The following PRKCB variants were observed in gnomAD, a reference collection of about 807,000 sequenced individuals.
The protein encoded by PRKCB is protein kinase C beta, also known as protein kinase C beta type.
In PRKCB, 13 loss-of-function variants were observed where a neutral mutation model predicts 81.5. The observed-to-expected ratio is 0.16, with a 90% CI of 0.10 to 0.25. The LOEUF (loss-of-function observed/expected upper bound fraction) is 0.25. Ranked by LOEUF, PRKCB falls within the 10% of genes least tolerant of loss-of-function variation. PRKCB has a pLI of 1.00. For missense variants in PRKCB, 509 were observed against 875.7 expected, an observed-to-expected ratio of 0.58 and a Z score of 5.29; for synonymous variants, 335 against 321.4, an observed-to-expected ratio of 1.04 and a Z score of -0.45.
At chr16:23,865,531 G>A (rs1962772502) in intron 2 of PRKCB, among the ~76,000 whole-genome samples, 7 of 2,344 alleles carry the variant, frequency 3.0e-3, no homozygotes, top group Non-Finnish European at 4.5e-3. Context: ...GTGTGTGTGT[G>A]TGTGTGTGTG....
chr16:23,975,757 T>G lies in PRKCB; in HGVS notation c.206-12751T>G, dbSNP rs529495319. 2.0e-5 allele frequency among the ~76,000 whole-genome samples: 3 copies of G among 152,234 alleles called. No individual in the cohort carries two copies. In the South Asian group the frequency reaches 6.2e-4, roughly 32 times the overall value. On this transcript the variant is annotated intron_variant, in intron 2 of 16. Transcript: ENST00000643927. ...CTCCTAAATAATAATAATAAAGGCT[T>G]ACTTATAGGAACGTACGAAGCACAA...
intron 7 of PRKCB, among the ~76,000 whole-genome samples, chr16:24,106,272 G>A (rs935177184): frequency 2.6e-5 from 4 of 152,212 alleles, no homozygotes; most frequent in African/African-American, 9.6e-5. Flanking sequence ...TCACAGGATT[G>A]TTGCAGTATC....
At chr16:24,155,328 C>T (rs528700224) in intron 10 of PRKCB, among the ~76,000 whole-genome samples, 8 of 152,312 alleles carry the variant, frequency 5.3e-5, no homozygotes, top group African/African-American at 1.7e-4. Flanking sequence ...ACACAGTGTC[C>T]TGGGAAGGAG....
intron 2 of PRKCB, among the ~76,000 whole-genome samples, chr16:23,859,735 A>T (rs1268669787): frequency 1.3e-5 from 2 of 152,062 alleles, no homozygotes; most frequent in African/African-American, 4.8e-5. Context: ...GTACCCGGGG[A>T]TGTTTAGCTT....
intron 2 of PRKCB, among the ~76,000 whole-genome samples, chr16:23,938,746 A>C (rs1207816215): frequency 6.6e-6 from 1 of 152,228 alleles, no homozygotes; most frequent in African/African-American, 2.4e-5. Flanking sequence ...CAATGAAGTA[A>C]AACTAGAAGT....
At chr16:23,889,363 G>A (rs866694957) in intron 2 of PRKCB, among the ~76,000 whole-genome samples, 2 of 152,162 alleles carry the variant, frequency 1.3e-5, no homozygotes, top group Non-Finnish European at 2.9e-5. Flanking sequence ...CCTACCTTAC[G>A]GCATTATAAA....
At chr16:23,978,426 G>A (rs1310807320) in intron 2 of PRKCB, among the ~76,000 whole-genome samples, 1 of 152,216 alleles carries the variant, frequency 6.6e-6, no homozygotes, top group Non-Finnish European at 1.5e-5. Flanking sequence ...CAGGGATGCT[G>A]AGCTGAAGTG....
In PRKCB at chr16:24,214,747, T is replaced by C; in HGVS notation, c.1953T>C (p.Ile651=). 1 of 1,614,206 alleles carries C rather than the reference T, an allele frequency of 6.2e-7. No homozygotes were observed. Among genetic ancestry groups the C allele is most frequent in the Non-Finnish European group, 8.5e-7 (1 of 1,180,026 alleles). ...TPPDQEVIRN[I]DQSEFEGFSF... ...CCGACCAGGAAGTCATCAGGAATAT[T>C]GACCAATCAGAATTCGAAGGATTTT... is the stretch of plus-strand genomic sequence containing the variant. Residue 651 remains isoleucine, a synonymous_variant, in exon 17 of 17, where the codon ATT becomes ATC. Transcript: ENST00000643927.
At chr16:23,933,540 A>G (rs1964007646) in intron 2 of PRKCB, among the ~76,000 whole-genome samples, 1 of 152,156 alleles carries the variant, frequency 6.6e-6, no homozygotes, top group South Asian at 2.1e-4. Flanking sequence ...AATATTTTAA[A>G]TCAGAAAATT....
chr16:23,836,768 C>CGGGGGG (rs71154241), intron 1 of PRKCB, among the ~76,000 whole-genome samples: 60 of 141,976 alleles, frequency 4.2e-4, no homozygotes, highest in East Asian at 1.4e-3. Flanking sequence ...CCCTTGTTTC[C>CGGGGGG]GGGGGGGGCG....
intron 2 of PRKCB, among the ~76,000 whole-genome samples, chr16:23,957,828 G>A (rs1964370080): frequency 6.6e-6 from 1 of 152,054 alleles, no homozygotes; most frequent in Non-Finnish European, 1.5e-5. Context: ...ATTGCAAATC[G>A]TTAAGGGTAT....
intron 3 of PRKCB, among the ~76,000 whole-genome samples, chr16:24,015,650 C>G (rs1197902976): frequency 6.6e-6 from 1 of 152,222 alleles, no homozygotes; most frequent in Non-Finnish European, 1.5e-5. Context: ...ACTTCATTTT[C>G]TCAGGGAAGC....
chr16:24,029,730 T>TA (rs1254286543), intron 3 of PRKCB, among the ~76,000 whole-genome samples: 1 of 152,180 alleles, frequency 6.6e-6, no homozygotes, highest in Non-Finnish European at 1.5e-5. Flanking sequence ...TCATTTTCTG[T>TA]CACTAGAGTA....
Position 24,113,167 on chromosome 16 carries a change from C to CT in PRKCB, c.918+104dup. The CT allele has an allele frequency of 6.1e-6, 5 of 818,296 alleles. No individual in the cohort carries two copies. The South Asian group carries it at 9.8e-5, about 16-fold the overall frequency. 50.7% of individuals were successfully genotyped at this position (818,296 alleles called of 1,614,324 possible). Reference sequence around the variant, plus strand: ...TCTTTCTTTCTCTTTCTCTCTTATTCTTTTTTCTCTCCTTCCTTACTTCCT... The same window carrying CT: ...TCTTTCTTTCTCTTTCTCTCTTATTCTTTTTTTCTCTCCTTCCTTACTTCCT... On this transcript the variant is annotated intron_variant, in intron 8 of 16. Transcript: ENST00000643927.
intron 2 of PRKCB, among the ~76,000 whole-genome samples, chr16:23,842,252 T>C (rs1178199496): frequency 1.3e-5 from 2 of 152,194 alleles, no homozygotes; most frequent in East Asian, 1.9e-4. Context: ...GCAGCAACTT[T>C]GGTCTCCTCA....
chr16:23,904,605 G>A (rs1963528398), intron 2 of PRKCB, among the ~76,000 whole-genome samples: 1 of 152,196 alleles, frequency 6.6e-6, no homozygotes, highest in Non-Finnish European at 1.5e-5. Flanking sequence ...GAAGGTTGCA[G>A]TGAGCTGAGA....
At chr16:23,981,285 C>A (rs184159536) in intron 2 of PRKCB, among the ~76,000 whole-genome samples, 1 of 151,994 alleles carries the variant, frequency 6.6e-6, no homozygotes, top group African/African-American at 2.4e-5. Flanking sequence ...CAATTCCAAC[C>A]TCTGCTTCCA....
chr16:24,145,889 A>T (rs191269789), intron 9 of PRKCB, among the ~76,000 whole-genome samples: 9 of 152,340 alleles, frequency 5.9e-5, no homozygotes, highest in African/African-American at 2.2e-4. Flanking sequence ...CTCGTAAACA[A>T]TGTATGTTCA....
At chr16:24,071,693 G>A (rs1173121628) in intron 5 of PRKCB, among the ~76,000 whole-genome samples, 1 of 151,996 alleles carries the variant, frequency 6.6e-6, no homozygotes, top group Non-Finnish European at 1.5e-5. Context: ...ATGTGGTCCT[G>A]GACACTAGAT....
Sources: allele counts gnomAD v4.1 joint callset (sites outside exome capture counted in the v4.1 genomes callset), GRCh38; gene constraint gnomAD v4.1.1; transcripts MANE v1.5; gene names NCBI Gene and HGNC (gene_info 2026-07-23, HGNC 2026-07-21).